The following NALCN variants were observed in gnomAD, a reference collection of about 807,000 sequenced individuals.
NALCN encodes sodium leak channel NALCN.
NALCN carries 111 observed loss-of-function variants against 225.3 expected under a neutral mutation model. That is an observed-to-expected ratio of 0.49 (90% CI 0.42 to 0.58). The LOEUF (loss-of-function observed/expected upper bound fraction) is 0.58, where lower values mean the gene tolerates loss of function less well. Among genes scored for constraint, NALCN ranks in the 20% least tolerant of loss-of-function variants. The pLI is 0.00. For synonymous variants in NALCN, 764 were observed against 769.0 expected, an observed-to-expected ratio of 0.99 and a Z score of 0.11; for missense variants, 1,378 against 2,202.4, an observed-to-expected ratio of 0.63 and a Z score of 7.49.
In NALCN at chr13:101,340,006, G is replaced by T. The variant is rs541046682; in HGVS notation, c.799+5260C>A. On this transcript the variant is annotated intron_variant, in intron 7 of 43. Transcript: ENST00000251127. ...TGCCCCGGCGGGTACAGTGGCTCAC[G>T]CCTGTAATCCCAGCACTTTTGGAGG... Among the ~76,000 whole-genome samples, 5 of 147,598 alleles carry T rather than the reference G, an allele frequency of 3.4e-5. No homozygotes were observed. The East Asian group carries it at 8.3e-4, about 24-fold the overall frequency.
intron 10 of NALCN, among the ~76,000 whole-genome samples, chr13:101,271,854 T>A (rs752443820): frequency 3.3e-5 from 5 of 151,674 alleles, no homozygotes; most frequent in Non-Finnish European, 7.4e-5. Context: ...GAGGTGTGTG[T>A]GAGCATGCAC....
Position 101,345,047 on chromosome 13 carries a change from C to T in NALCN, c.799+219G>A, listed in dbSNP as rs76798318. The stretch of plus-strand genomic sequence containing the variant: ...ATAGTCAAAAATGAGAGATCTGTAA[C>T]TCCATACAAACACTGCTGCCCATAT... On this transcript the variant is annotated intron_variant, in intron 7 of 43. Coordinates refer to ENST00000251127, the MANE Select transcript of NALCN (RefSeq NM_052867.4). Among the ~76,000 whole-genome samples, 3,079 of 152,274 alleles carry T rather than the reference C, an allele frequency of 0.02. 111 individuals are homozygous for T. The highest frequency in any genetic ancestry group is 0.07 in the African/African-American group (2,919 of 41,560).
chr13:101,304,234 A>G (rs2044073308), intron 7 of NALCN, among the ~76,000 whole-genome samples: 1 of 151,784 alleles, frequency 6.6e-6, no homozygotes, highest in Admixed American at 6.6e-5. Context: ...AGATGTAAAG[A>G]CTTTTTTGTT....
At chr13:101,095,208 A>T (rs540769266) in intron 28 of NALCN, among the ~76,000 whole-genome samples, 2 of 152,202 alleles carry the variant, frequency 1.3e-5, no homozygotes, top group African/African-American at 2.4e-5. Flanking sequence ...TTATGAGGAC[A>T]TCAGATCCTC....
At chr13:101,185,385 T>C (rs768660284) in intron 14 of NALCN, among the ~76,000 whole-genome samples, 4 of 152,230 alleles carry the variant, frequency 2.6e-5, no homozygotes, top group African/African-American at 4.8e-5. Flanking sequence ...AATGAACGCT[T>C]AATTACATTT....
At chr13:101,321,020 G>A (rs1240704426) in intron 7 of NALCN, among the ~76,000 whole-genome samples, 1 of 152,072 alleles carries the variant, frequency 6.6e-6, no homozygotes, top group Non-Finnish European at 1.5e-5. Context: ...TGATGCCGAT[G>A]TTATGACAAA....
chr13:101,304,765 T>C (rs1261843898), intron 7 of NALCN, among the ~76,000 whole-genome samples: 1 of 149,294 alleles, frequency 6.7e-6, no homozygotes, highest in African/African-American at 2.5e-5. Flanking sequence ...TTTCTTTTTT[T>C]TTTTTTTTTG....
At chr13:101,334,360 G>GAGT (rs2045290481) in intron 7 of NALCN, among the ~76,000 whole-genome samples, 1 of 90,418 alleles carries the variant, frequency 1.1e-5, no homozygotes, top group African/African-American at 6.5e-5. Context: ...CAGGAGATGG[G>GAGT]GGTAGGGGGA....
intron 13 of NALCN, among the ~76,000 whole-genome samples, chr13:101,213,987 T>G (rs1566440265): frequency 1.3e-5 from 2 of 152,166 alleles, no homozygotes; most frequent in Admixed American, 1.3e-4. Context: ...TAAAGACACA[T>G]GCACACGTAT....
intron 13 of NALCN, among the ~76,000 whole-genome samples, chr13:101,202,317 G>A (rs1361134563): frequency 1.3e-5 from 2 of 152,124 alleles, no homozygotes; most frequent in South Asian, 4.1e-4. Flanking sequence ...AGGGGTTAAG[G>A]AAAACCAATG....
At position 101,055,315 on chromosome 13, in the gene NALCN, C is replaced by A; in HGVS notation, c.5197G>T (p.Asp1733Tyr). Residue 1733 changes from aspartate (D) to tyrosine (Y), a missense_variant, in exon 44 of 44, where the codon GAT (aspartate) becomes TAT (tyrosine). Coordinates refer to ENST00000251127, the MANE Select transcript of NALCN (RefSeq NM_052867.4). ...QLTVESDESGDDLLDI is the reference protein window; with the variant it reads ...QLTVESDESGYDLLDI ...TCCACCTAAATATCCAGAAGGTCAT[C>A]CCCACTTTCGTCGCTCTCCACAGTC... 1.2e-6 allele frequency: 2 copies of A among 1,613,372 alleles called. No individual in the cohort carries two copies. Among genetic ancestry groups the A allele is most frequent in the Non-Finnish European group, 1.7e-6 (2 of 1,179,678 alleles).
At chr13:101,228,474 GT>G (rs897397394) in intron 13 of NALCN, among the ~76,000 whole-genome samples, 6 of 152,088 alleles carry the variant, frequency 3.9e-5, no homozygotes, top group African/African-American at 1.2e-4. Context: ...CATGGGGGCG[GT>G]TTCCCCCCTG....
In NALCN at chr13:101,395,258, G is replaced by A. The variant is rs2047256000; in HGVS notation, c.216C>T (p.Phe72=). Residue 72 remains phenylalanine (F), a synonymous_variant, in exon 3 of 44, where the codon TTC becomes TTT. Coordinates refer to ENST00000251127, the MANE Select transcript of NALCN (RefSeq NM_052867.4). ...EHYPPLQYVT[F]TLDTLLMFLY... The stretch of plus-strand genomic sequence containing the variant: ...GAAACATCAATAATGTATCCAAAGT[G>A]AAGGTCACATACTGAAGTGGAGGAT... The A allele has an allele frequency of 6.2e-7, 1 of 1,613,944 alleles. No homozygotes were observed. The highest frequency in any genetic ancestry group is 1.3e-5 in the African/African-American group (1 of 74,906).
At chr13:101,178,442 TTC>T (rs2039053653) in intron 14 of NALCN, among the ~76,000 whole-genome samples, 1 of 152,196 alleles carries the variant, frequency 6.6e-6, no homozygotes, top group African/African-American at 2.4e-5. Flanking sequence ...TTCTTTCCCT[TTC>T]TGTTTGAGAT....
In NALCN at chr13:101,197,126, A is replaced by C. The variant is rs1271780919; in HGVS notation, c.1627-5072T>G. ...TGGCTTCTATACATGAGTGGTTCTT[A>C]TCACTTTCCAGGGCTCTGCATAGCC... On this transcript the variant is annotated intron_variant, in intron 13 of 43. Coordinates refer to ENST00000251127, the MANE Select transcript of NALCN (RefSeq NM_052867.4). Among the ~76,000 whole-genome samples, 3 of 152,138 alleles carry C rather than the reference A, an allele frequency of 2.0e-5. No homozygotes were observed. The East Asian group carries it at 5.8e-4, about 29-fold the overall frequency.
chr13:101,173,408 T>C (rs2038827620), intron 15 of NALCN, among the ~76,000 whole-genome samples: 2 of 152,202 alleles, frequency 1.3e-5, no homozygotes, highest in Admixed American at 6.5e-5. Flanking sequence ...CCAAATTGCC[T>C]AGGTTCAAAT....
chr13:101,189,282 A>G (rs2039583398), intron 14 of NALCN, among the ~76,000 whole-genome samples: 1 of 152,210 alleles, frequency 6.6e-6, no homozygotes, highest in South Asian at 2.1e-4. Flanking sequence ...GAGAAAGAAG[A>G]AGAATGGAAA....
intron 40 of NALCN, among the ~76,000 whole-genome samples, chr13:101,064,307 C>A (rs192913821): frequency 6.6e-6 from 1 of 152,072 alleles, no homozygotes; most frequent in Non-Finnish European, 1.5e-5. Context: ...ATTGTTTCCC[C>A]CTTGCAAGTC....
At chr13:101,278,704 A>G (rs2043046851) in intron 10 of NALCN, among the ~76,000 whole-genome samples, 1 of 152,142 alleles carries the variant, frequency 6.6e-6, no homozygotes, top group Non-Finnish European at 1.5e-5. Flanking sequence ...CTGCCACCAC[A>G]TATTAGAGGA....
Sources: allele counts gnomAD v4.1 joint callset (sites outside exome capture counted in the v4.1 genomes callset), GRCh38; gene constraint gnomAD v4.1.1; transcripts MANE v1.5; gene names NCBI Gene and HGNC (gene_info 2026-07-23, HGNC 2026-07-21).